Variants in LGR5 observed in about 807,000 individuals in gnomAD.
LGR5 encodes the protein leucine-rich repeat-containing G protein-coupled receptor 5.
LGR5 carries 54 observed loss-of-function variants against 76.7 expected under a neutral mutation model. The ratio of observed to expected loss-of-function variants is 0.70; its 90% confidence interval spans 0.57 to 0.88. The LOEUF (loss-of-function observed/expected upper bound fraction) is 0.88, where lower values mean the gene tolerates loss of function less well. LGR5 is among the 40% of genes least tolerant of loss of function. The pLI, the probability that LGR5 is intolerant of heterozygous loss-of-function variation, is 0.00. For missense variants in LGR5, 1,078 were observed against 1,073.3 expected, an observed-to-expected ratio of 1.00 and a Z score of -0.06; for synonymous variants, 406 against 421.9, an observed-to-expected ratio of 0.96 and a Z score of 0.46.
rs1422049090 is a variant in LGR5 at position 71,439,860 on chromosome 12, A to C, written c.-221A>C. ...CACCGCCACTGTCGCCGCTGCAGCC[A>C]GGGCTGCTCCGAAGGCCGGCGTGGC... On this transcript the variant is annotated 5_prime_UTR_variant, in exon 1 of 18. Coordinates refer to ENST00000266674, the MANE Select transcript of LGR5 (RefSeq NM_003667.4). 1 of 523,128 alleles carries C rather than the reference A, an allele frequency of 1.9e-6. No individual in the cohort carries two copies. The highest frequency in any genetic ancestry group is 3.3e-6 in the Non-Finnish European group (1 of 300,132). The allele number at this position is 523,128 out of a possible 1,614,324, so 32.4% of individuals were successfully genotyped here. A position where few individuals can be genotyped will look rare whatever the true frequency, so the allele number is the denominator to read the frequency against.
At chr12:71,484,097 G>GCTCA (rs1565680895) in intron 1 of LGR5, among the ~76,000 whole-genome samples, 1 of 152,182 alleles carries the variant, frequency 6.6e-6, no homozygotes, top group Non-Finnish European at 1.5e-5. Flanking sequence ...AGAATCTGTA[G>GCTCA]CTCAGATGAA....
At chr12:71,548,983 C>T (rs913059951) in intron 4 of LGR5, among the ~76,000 whole-genome samples, 7 of 152,150 alleles carry the variant, frequency 4.6e-5, no homozygotes, top group African/African-American at 1.7e-4. Flanking sequence ...TCTTCTTGTA[C>T]CAGATAGTGA....
chr12:71,535,248 T>G, intron 4 of LGR5, 62 bp downstream of exon 4: 1 of 1,107,752 alleles, frequency 9.0e-7, no homozygotes, highest in Non-Finnish European at 1.4e-6. Context: ...CATTGAAATG[T>G]TCAGTTGACC....
intron 2 of LGR5, among the ~76,000 whole-genome samples, chr12:71,515,367 G>A (rs1441739384): frequency 6.6e-6 from 1 of 152,002 alleles, no homozygotes; most frequent in Non-Finnish European, 1.5e-5. Flanking sequence ...TCATAGTTTT[G>A]GCTAACTTTA....
chr12:71,560,649 G>A (rs1878010886), intron 7 of LGR5, among the ~76,000 whole-genome samples: 1 of 152,134 alleles, frequency 6.6e-6, no homozygotes, highest in African/African-American at 2.4e-5. Context: ...AAAATTGGCT[G>A]GGCCTCGTGG....
At chr12:71,458,934 C>A (rs1872589714) in intron 1 of LGR5, among the ~76,000 whole-genome samples, 1 of 151,320 alleles carries the variant, frequency 6.6e-6, no homozygotes, top group African/African-American at 2.4e-5. Context: ...GGGAACACTT[C>A]CCTTGGGAAA....
chr12:71,584,449 A>C lies in LGR5; in HGVS notation c.2439A>C (p.Ala813=), dbSNP rs758809082. Residue 813 remains alanine, a synonymous_variant, in exon 18 of 18, where the codon GCA becomes GCC. Transcript: ENST00000266674. ...TTCTGGTGGTAGTCCCACTTCCTGC[A>C]TGTCTCAATCCCCTTCTCTACATCT... The part of the protein sequence containing the change: ...FILLVVVPLP[A]CLNPLLYILF... 1.9e-6 allele frequency: 3 copies of C among 1,614,182 alleles called. No individual in the cohort carries two copies. The highest frequency in any genetic ancestry group is 2.5e-6 in the Non-Finnish European group (3 of 1,180,024).
chr12:71,442,698 A>T (rs754783613), intron 1 of LGR5, among the ~76,000 whole-genome samples: 12 of 152,240 alleles, frequency 7.9e-5, no homozygotes, highest in Non-Finnish European at 1.6e-4. Flanking sequence ...GCAGGTATTG[A>T]GGGTTTGGGG....
intron 2 of LGR5, among the ~76,000 whole-genome samples, chr12:71,514,237 A>G (rs935529718): frequency 4.6e-5 from 7 of 152,344 alleles, no homozygotes; most frequent in Admixed American, 3.3e-4. Flanking sequence ...GGAAGATTCC[A>G]TAAAGGAATT....
intron 3 of LGR5, among the ~76,000 whole-genome samples, chr12:71,529,343 C>T (rs1407025709): frequency 2.0e-5 from 3 of 152,042 alleles, no homozygotes; most frequent in Non-Finnish European, 2.9e-5. Context: ...TACATGGCAT[C>T]AGGAGAGAGA....
In LGR5 at chr12:71,582,556, A is replaced by C; in HGVS notation, c.1636+17A>C. On this transcript the variant is annotated intron_variant, in intron 17 of 17. Coordinates refer to ENST00000266674, the MANE Select transcript of LGR5 (RefSeq NM_003667.4). ...CTTCCCCAGGTGAGAAAGGCATCAA[A>C]AATTCCTCAACGGCAGTATCCACCA... 1 of 1,588,190 alleles carries C rather than the reference A, an allele frequency of 6.3e-7. No homozygotes were observed. The highest frequency in any genetic ancestry group is 8.6e-7 in the Non-Finnish European group (1 of 1,156,326).
At chr12:71,502,847 C>A (rs1199170147) in intron 1 of LGR5, among the ~76,000 whole-genome samples, 1 of 152,130 alleles carries the variant, frequency 6.6e-6, no homozygotes, top group African/African-American at 2.4e-5. Context: ...TTATGAATCA[C>A]CTTAATATGT....
intron 2 of LGR5, among the ~76,000 whole-genome samples, chr12:71,510,057 T>G (rs1310768838): frequency 1.3e-5 from 2 of 152,196 alleles, no homozygotes; most frequent in African/African-American, 4.8e-5. Context: ...CTTTTGAGAT[T>G]TTTTTCTTCC....
chr12:71,561,630 C>T (rs1878062268), intron 7 of LGR5, 151 bp from the exon 8 acceptor site: 5 of 447,908 alleles, frequency 1.1e-5, no homozygotes, highest in African/African-American at 2.0e-5. Context: ...GAGTAAATAA[C>T]GGCACCTAAG....
At chr12:71,469,504 C>T (rs554776581) in intron 1 of LGR5, among the ~76,000 whole-genome samples, 2 of 152,222 alleles carry the variant, frequency 1.3e-5, no homozygotes, top group South Asian at 2.1e-4. Flanking sequence ...AGGAGCAGCA[C>T]GCTCTGGCCT....
At chr12:71,450,755 AC>A (rs1872215195) in intron 1 of LGR5, among the ~76,000 whole-genome samples, 1 of 152,056 alleles carries the variant, frequency 6.6e-6, no homozygotes, top group Non-Finnish European at 1.5e-5. Context: ...GGGTCTACTC[AC>A]TTTTTTCCTG....
chr12:71,568,479 T>G lies in LGR5; in HGVS notation c.1070+1567T>G, dbSNP rs1199736959. The stretch of plus-strand genomic sequence containing the variant: ...AGTCAGTGTTAACTTTTATCATCTT[T>G]CTCACTTCCCTGGAACCATTATTCT... On this transcript the variant is annotated intron_variant, in intron 11 of 17. Transcript: ENST00000266674. Among the ~76,000 whole-genome samples the G allele has an allele frequency of 5.3e-5, 8 of 152,202 alleles. No homozygotes were observed. In the South Asian group the frequency reaches 6.2e-4, roughly 12 times the overall value.
At chr12:71,544,948 T>C (rs888354741) in intron 4 of LGR5, among the ~76,000 whole-genome samples, 3 of 152,134 alleles carry the variant, frequency 2.0e-5, no homozygotes, top group Non-Finnish European at 4.4e-5. Context: ...TTAAGAGGGT[T>C]GGTCACCTCT....
chr12:71,582,457 T>G lies in LGR5; in HGVS notation c.1554T>G (p.Asp518Glu). The change falls in exon 17 of 18, where the codon GAT becomes GAG. Residue 518 changes from aspartate (D) to glutamate (E), a missense_variant and splice_region_variant. Coordinates refer to ENST00000266674, the MANE Select transcript of LGR5 (RefSeq NM_003667.4). ...KKDAGMFQAQ[D>E]ERDLEDFLLD... is the part of the protein sequence containing the mutation. ...ATTCCAGGACTTCTTGTGCTGCAGATGAACGTGACCTTGAAGATTTCCTGC... is the reference window on the plus strand; with the variant it reads ...ATTCCAGGACTTCTTGTGCTGCAGAGGAACGTGACCTTGAAGATTTCCTGC... The G allele has an allele frequency of 6.2e-7, 1 of 1,613,926 alleles. No individual in the cohort carries two copies. The highest frequency in any genetic ancestry group is 8.5e-7 in the Non-Finnish European group (1 of 1,179,808).
Sources: gnomAD v4.1 joint callset for allele counts (sites outside exome capture counted in the v4.1 genomes callset) on GRCh38, gnomAD v4.1.1 for gene constraint, MANE v1.5 for transcripts, NCBI Gene and HGNC (gene_info 2026-07-23, HGNC 2026-07-21) for gene names.